Variants in NME7 observed in about 807,000 individuals in gnomAD.
NME7 encodes NME/NM23 family member 7, also known as nucleoside diphosphate kinase 7.
A neutral mutation model predicts 49.1 loss-of-function variants in NME7; 41 were observed. The observed-to-expected ratio is 0.83, with a 90% CI of 0.65 to 1.08. The LOEUF is 1.08. NME7 is among the 50% of genes least tolerant of loss of function. NME7 has a pLI of 0.00. For synonymous variants in NME7, 139 were observed against 150.6 expected, an observed-to-expected ratio of 0.92 and a Z score of 0.56; for missense variants, 423 against 463.4, an observed-to-expected ratio of 0.91 and a Z score of 0.80.
At chr1:169,176,247 C>G (rs1330429807) in intron 10 of NME7, among the ~76,000 whole-genome samples, 1 of 152,152 alleles carries the variant, frequency 6.6e-6, no homozygotes, top group Non-Finnish European at 1.5e-5. Context: ...AGGCTACTTT[C>G]TGCTAAGTCT....
chr1:169,207,644 T>C (rs1660709589), intron 10 of NME7, among the ~76,000 whole-genome samples: 1 of 152,012 alleles, frequency 6.6e-6, no homozygotes, highest in South Asian at 2.1e-4. Context: ...AACTAGAAAA[T>C]AGTCTGAAAA....
intron 6 of NME7, among the ~76,000 whole-genome samples, chr1:169,295,372 T>C (rs1441600193): frequency 6.6e-6 from 1 of 152,128 alleles, no homozygotes; most frequent in East Asian, 1.9e-4. Flanking sequence ...CATAAGGTGG[T>C]AATAGGGTGA....
intron 8 of NME7, 130 bp from the exon 9 acceptor site, chr1:169,235,329 CTT>C (rs1647814028): frequency 2.0e-6 from 1 of 490,158 alleles, no homozygotes; most frequent in Admixed American, 4.2e-5. Context: ...ATAGATTACT[CTT>C]TGAAGAAAAA....
At chr1:169,362,932 A>G (rs12752953) in intron 1 of NME7, among the ~76,000 whole-genome samples, 11,341 of 152,206 alleles carry the variant, frequency 0.075, 1,539 homozygotes, top group East Asian at 0.67. Context: ...GATTTCAACT[A>G]TTTTGCCTTT....
At chr1:169,223,580 T>C (rs969549038) in intron 10 of NME7, among the ~76,000 whole-genome samples, 2 of 152,198 alleles carry the variant, frequency 1.3e-5, no homozygotes, top group African/African-American at 2.4e-5. Flanking sequence ...CTGTGTCCTA[T>C]TGATATGTCA....
At chr1:169,280,210 C>T (rs752363024) in intron 7 of NME7, among the ~76,000 whole-genome samples, 11 of 152,162 alleles carry the variant, frequency 7.2e-5, no homozygotes, top group South Asian at 2.1e-4. Context: ...TCTCTAATGA[C>T]CAGGGATGAG....
intron 6 of NME7, among the ~76,000 whole-genome samples, chr1:169,290,661 A>G (rs931576830): frequency 6.6e-6 from 1 of 152,172 alleles, no homozygotes; most frequent in African/African-American, 2.4e-5. Context: ...AAAATTGACA[A>G]ATGCGATCTA....
intron 1 of NME7, among the ~76,000 whole-genome samples, chr1:169,330,956 G>A (rs1484828322): frequency 1.2e-4 from 18 of 151,970 alleles, no homozygotes; most frequent in Admixed American, 8.5e-4. Flanking sequence ...CTCATTCTAC[G>A]AGGCCAGTAT....
At chr1:169,337,316 C>T (rs1267183791) in intron 1 of NME7, among the ~76,000 whole-genome samples, 11 of 152,196 alleles carry the variant, frequency 7.2e-5, no homozygotes, top group African/African-American at 2.4e-4. Flanking sequence ...CAGCTGCTGG[C>T]CCGGGTGCTA....
At chr1:169,218,168 T>C (rs917004502) in intron 10 of NME7, among the ~76,000 whole-genome samples, 16 of 152,210 alleles carry the variant, frequency 1.1e-4, no homozygotes, top group East Asian at 5.8e-4. Context: ...TTATTTCTTA[T>C]GTAGAACAGT....
chr1:169,222,515 A>T (rs1212614680), intron 10 of NME7, among the ~76,000 whole-genome samples: 3 of 152,220 alleles, frequency 2.0e-5, no homozygotes, highest in African/African-American at 7.2e-5. Context: ...AAAAAACCCC[A>T]AGGAAATGGT....
intron 7 of NME7, chr1:169,246,962 G>A: frequency 2.3e-6 from 1 of 441,546 alleles, no homozygotes; most frequent in South Asian, 1.6e-5. Flanking sequence ...TAAGTGAGTA[G>A]AAAATAATAA....
At chr1:169,322,549 G>A (rs1651891364) in intron 3 of NME7, 2 of 151,938 alleles carry the variant, frequency 1.3e-5, no homozygotes, top group Admixed American at 6.6e-5. Flanking sequence ...TAGGGATACA[G>A]TTATGAATAA....
At chr1:169,150,635 C>T (rs1246072577) in intron 11 of NME7, among the ~76,000 whole-genome samples, 1 of 152,116 alleles carries the variant, frequency 6.6e-6, no homozygotes, top group Non-Finnish European at 1.5e-5. Context: ...ATTCTCACTT[C>T]CTTTCTATTA....
intron 10 of NME7, among the ~76,000 whole-genome samples, chr1:169,177,593 C>T (rs1160521647): frequency 1.3e-5 from 2 of 152,044 alleles, no homozygotes; most frequent in African/African-American, 2.4e-5. Flanking sequence ...TCAAGATCAT[C>T]GTGGCCAACA....
At chr1:169,360,738 T>C (rs1036323038) in intron 1 of NME7, among the ~76,000 whole-genome samples, 4 of 151,814 alleles carry the variant, frequency 2.6e-5, no homozygotes, top group Non-Finnish European at 5.9e-5. Context: ...CCGTCCCTGA[T>C]TGTCCTACTC....
chr1:169,247,046 AG>A, intron 7 of NME7: 1 of 456,308 alleles, frequency 2.2e-6, no homozygotes, highest in Non-Finnish European at 4.4e-6. Context: ...AAGAGTAGTC[AG>A]GGGTTCCTCC....
intron 10 of NME7, among the ~76,000 whole-genome samples, chr1:169,209,184 CT>C (rs908009616): frequency 6.6e-6 from 1 of 152,004 alleles, no homozygotes; most frequent in Non-Finnish European, 1.5e-5. Context: ...TACTCAAGAC[CT>C]TTTTCATCAA....
chr1:169,300,810 A>G (rs1234685012), intron 5 of NME7, among the ~76,000 whole-genome samples: 1 of 152,180 alleles, frequency 6.6e-6, no homozygotes, highest in African/African-American at 2.4e-5. Flanking sequence ...ACTTTGACAA[A>G]GTCAACAAAA....
Sources: gnomAD v4.1 joint callset for allele counts (sites outside exome capture counted in the v4.1 genomes callset) on GRCh38, gnomAD v4.1.1 for gene constraint, MANE v1.5 for transcripts, NCBI Gene and HGNC (gene_info 2026-07-23, HGNC 2026-07-21) for gene names.